Variants in PSMD13 observed in about 807,000 individuals in gnomAD.
The protein encoded by PSMD13 is proteasome 26S subunit, non-ATPase 13, also known as 26S proteasome non-ATPase regulatory subunit 13.
Under a neutral mutation model 57.4 loss-of-function variants are expected in PSMD13, and 8 were observed. The observed-to-expected ratio is 0.14, with a 90% CI of 0.08 to 0.25. PSMD13 has a LOEUF of 0.25. Ranked by LOEUF, PSMD13 falls within the 10% of genes least tolerant of loss-of-function variation. The probability of loss-of-function intolerance (pLI) is 1.00; values close to 1 mark genes in which losing one functional copy is unlikely to be tolerated. For missense variants in PSMD13, 400 were observed against 461.5 expected (o/e 0.87, Z 1.22); for synonymous variants, 193 against 168.2 (o/e 1.15, Z -1.14).
chr11:250,069 G>T (rs1859740757), intron 9 of PSMD13, among the ~76,000 whole-genome samples: 1 of 152,150 alleles, frequency 6.6e-6, no homozygotes, highest in African/African-American at 2.4e-5. Flanking sequence ...CATGTTGGCA[G>T]CATCTATTCA....
At chr11:241,456 A>T (rs1393522410) in intron 2 of PSMD13, among the ~76,000 whole-genome samples, 2 of 152,208 alleles carry the variant, frequency 1.3e-5, no homozygotes, top group East Asian at 3.9e-4. Flanking sequence ...CATTTTATTT[A>T]GTTGACTGTT....
At chr11:244,289 T>G in intron 4 of PSMD13, 73 bp downstream of exon 4, 1 of 1,588,192 alleles carries the variant, frequency 6.3e-7, no homozygotes, top group South Asian at 1.2e-5. Context: ...TTAACTGAAC[T>G]TTTGTGTTTT....
chr11:247,330 G>T lies in PSMD13; in HGVS notation c.450G>T (p.Ser150=). 2 of 1,613,984 alleles carry T rather than the reference G, an allele frequency of 1.2e-6. No homozygotes were observed. Among genetic ancestry groups the T allele is most frequent in the Admixed American group, 1.7e-5 (1 of 60,006 alleles). Residue 150 remains serine (S), a synonymous_variant, in exon 7 of 13, where the codon TCG becomes TCT. Transcript: ENST00000532097. ...TCAACAACCTTCCTGGTGTGACATC[G>T]GTTCACAGTCGTTTCTATGATCTCT... ...EMLNNLPGVT[S]VHSRFYDLSS...
intron 1 of PSMD13, among the ~76,000 whole-genome samples, chr11:238,713 G>A (rs1022978773): frequency 6.6e-6 from 1 of 152,138 alleles, no homozygotes; most frequent in African/African-American, 2.4e-5. Flanking sequence ...AGTTTTTTTG[G>A]ATTTAGTATT....
Position 251,450 on chromosome 11 carries a change from CT to C in PSMD13, c.838-95del. 1.8e-6 allele frequency: 2 copies of C among 1,092,390 alleles called. No homozygotes were observed. Among genetic ancestry groups the C allele is most frequent in the Non-Finnish European group, 2.7e-6 (2 of 751,960 alleles). 67.7% of individuals were successfully genotyped at this position (1,092,390 alleles called of 1,614,324 possible). On this transcript the variant is annotated intron_variant, in intron 10 of 12. Coordinates refer to ENST00000532097, the MANE Select transcript of PSMD13 (RefSeq NM_002817.4). This position sits in a 1 kb window ranked among gnomAD's most constrained non-coding sequence, Gnocchi z 4.6. Reference sequence around the variant, plus strand: ...TTAGTATGTGGGGTACTAATAAGATCTCTATTTTCAGAGCCAATATTGACAA... The same window carrying C: ...TTAGTATGTGGGGTACTAATAAGATCCTATTTTCAGAGCCAATATTGACAA...
At chr11:245,548 T>A (rs1207449873) in intron 6 of PSMD13, among the ~76,000 whole-genome samples, 1 of 152,186 alleles carries the variant, frequency 6.6e-6, no homozygotes, top group Non-Finnish European at 1.5e-5. Context: ...GTCTTTCTTA[T>A]GTTCAATTAT....
intron 7 of PSMD13, among the ~76,000 whole-genome samples, chr11:248,433 G>C (rs1034248734): frequency 6.6e-6 from 1 of 152,114 alleles, no homozygotes; most frequent in African/African-American, 2.4e-5. Context: ...AGTTAGTTCT[G>C]GTCTGAAAAG....
chr11:248,860 G>C lies in PSMD13; in HGVS notation c.648+5G>C, dbSNP rs1167706713. 1 of 1,614,040 alleles carries C rather than the reference G, an allele frequency of 6.2e-7. No homozygotes were observed. The highest frequency in any genetic ancestry group is 8.5e-7 in the Non-Finnish European group (1 of 1,180,026). On this transcript the variant is annotated splice_donor_5th_base_variant and intron_variant, in intron 8 of 12. Transcript: ENST00000532097. ...GTTTTTAACTTTGGAGAACTCGTAA[G>C]TTGACCCTGAGCTCAGCTTCCTTAA...
rs774604707 is a variant in PSMD13, at chr11:251,801, C to T, written c.919-19C>T. 5.0e-6 allele frequency: 8 copies of T among 1,609,426 alleles called. No homozygotes were observed. The highest frequency in any genetic ancestry group is 2.2e-5 in the East Asian group (1 of 44,842). ...GTGTCAGGCTATCTTGTCTTACACA[C>T]GCCTCCCTCTCTGCACAGGTGGAGC... On this transcript the variant is annotated intron_variant, in intron 11 of 12. Coordinates refer to ENST00000532097, the MANE Select transcript of PSMD13 (RefSeq NM_002817.4). This position sits in a 1 kb window ranked among gnomAD's most constrained non-coding sequence, Gnocchi z 4.6.
intron 2 of PSMD13, among the ~76,000 whole-genome samples, chr11:242,385 CTT>C (rs975749341): frequency 2.6e-5 from 4 of 151,178 alleles, no homozygotes; most frequent in Non-Finnish European, 5.9e-5. Context: ...AAACATTTCT[CTT>C]TTTGTTTTAA....
intron 6 of PSMD13, among the ~76,000 whole-genome samples, chr11:246,432 C>A (rs1267744874): frequency 6.7e-6 from 1 of 149,970 alleles, no homozygotes; most frequent in Non-Finnish European, 1.5e-5. Flanking sequence ...GCCTGCAAGG[C>A]GGAGGTTGCA....
At chr11:246,127 G>A (rs771098554) in intron 6 of PSMD13, among the ~76,000 whole-genome samples, 2 of 152,122 alleles carry the variant, frequency 1.3e-5, no homozygotes, top group Non-Finnish European at 2.9e-5. Flanking sequence ...GAGTCATGTG[G>A]GTATGTGTAA....
At chr11:245,722 G>A (rs1488153526) in intron 6 of PSMD13, among the ~76,000 whole-genome samples, 3 of 127,460 alleles carry the variant, frequency 2.4e-5, no homozygotes, top group Admixed American at 7.9e-5. Flanking sequence ...TTGTGTGTGT[G>A]TGTTTGTGTG....
Position 252,140 on chromosome 11 carries a change from A to C in PSMD13, c.1035+204A>C. 7.3e-6 allele frequency: 4 copies of C among 549,954 alleles called. No homozygotes were observed. The South Asian group carries it at 8.9e-5, about 12-fold the overall frequency. 34.1% of individuals were successfully genotyped at this position (549,954 alleles called of 1,614,324 possible). On this transcript the variant is annotated intron_variant, in intron 12 of 12. Transcript: ENST00000532097. This position sits in a 1 kb window ranked among gnomAD's most constrained non-coding sequence, Gnocchi z 4.1. ...GTTTGAACCCTGCATTTAAAAGCTT[A>C]TGATGACAATGGCACTGGTTGTGCT... is the stretch of plus-strand genomic sequence containing the variant.
Position 252,425 on chromosome 11 carries a change from C to A in PSMD13, c.1036-80C>A. ...GAGTTAGCTGGAGATGTAGAGTCAC[C>A]CCATCAGGTGCTGTGCCGGCCGCTC... On this transcript the variant is annotated intron_variant, in intron 12 of 12. Transcript: ENST00000532097. The surrounding 1 kb of genome is among the most constrained non-coding windows in gnomAD (Gnocchi z 4.1). 7.7e-7 allele frequency: 1 copy of A among 1,304,026 alleles called. No individual in the cohort carries two copies. Among genetic ancestry groups the A allele is most frequent in the Non-Finnish European group, 1.1e-6 (1 of 901,226 alleles). 80.8% of individuals were successfully genotyped at this position (1,304,026 alleles called of 1,614,324 possible).
rs374778458 is a variant in PSMD13, at chr11:248,742, C to G, written c.569-34C>G. On this transcript the variant is annotated intron_variant, in intron 7 of 12. Coordinates refer to ENST00000532097, the MANE Select transcript of PSMD13 (RefSeq NM_002817.4). ...AGCTAAACAGGACTGATTATTATGACTGGATTGTAAGTGGGCCTGTGTTGC... is the reference window on the plus strand; with the variant it reads ...AGCTAAACAGGACTGATTATTATGAGTGGATTGTAAGTGGGCCTGTGTTGC... 25 of 1,594,888 alleles carry G rather than the reference C, an allele frequency of 1.6e-5. No individual in the cohort carries two copies. The African/African-American group carries it at 2.5e-4, about 16-fold the overall frequency.
chr11:243,371 CAT>C (rs1197310152), intron 2 of PSMD13: 1 of 344,932 alleles, frequency 2.9e-6, no homozygotes, highest in East Asian at 6.7e-5. Context: ...AACTGCTAAA[CAT>C]AGATCTTGAA....
intron 2 of PSMD13, among the ~76,000 whole-genome samples, chr11:240,558 A>G (rs1456885291): frequency 6.6e-6 from 1 of 152,150 alleles, no homozygotes; most frequent in Non-Finnish European, 1.5e-5. Context: ...TGGTAAGGTG[A>G]TGTTTATTTA....
chr11:237,296 G>T (rs999328503), intron 1 of PSMD13, 152 bp downstream of exon 1: 1 of 698,868 alleles, frequency 1.4e-6, no homozygotes, highest in Non-Finnish European at 2.3e-6. Flanking sequence ...TGCCGGCAAG[G>T]TTTGCTGAGG....
Sources: gnomAD v4.1 joint callset for allele counts (sites outside exome capture counted in the v4.1 genomes callset) on GRCh38, gnomAD v4.1.1 for gene constraint, Gnocchi (gnomAD v3.1) non-coding constraint, MANE v1.5 for transcripts, NCBI Gene and HGNC (gene_info 2026-07-23, HGNC 2026-07-21) for gene names.